The following VGLL4 variants were observed in gnomAD, a reference collection of about 807,000 sequenced individuals.
VGLL4 encodes transcription cofactor vestigial-like protein 4.
A neutral mutation model predicts 21.0 loss-of-function variants in VGLL4; 7 were observed. That is an observed-to-expected ratio of 0.33 (90% CI 0.19 to 0.63). The LOEUF (loss-of-function observed/expected upper bound fraction) is 0.63, where lower values mean the gene tolerates loss of function less well. Among genes scored for constraint, VGLL4 ranks in the 20% least tolerant of loss-of-function variants. The pLI is 0.78. For missense variants in VGLL4, 394 were observed against 425.7 expected (o/e 0.93, Z 0.66); for synonymous variants, 222 against 173.2 (o/e 1.28, Z -2.21).
At chr3:11,656,527 G>A (rs2075961308) in intron 2 of VGLL4, among the ~76,000 whole-genome samples, 1 of 152,180 alleles carries the variant, frequency 6.6e-6, no homozygotes, top group Non-Finnish European at 1.5e-5. Flanking sequence ...AGCCTGCTGT[G>A]GCTAAGCCCT....
intron 2 of VGLL4, among the ~76,000 whole-genome samples, chr3:11,651,109 A>G (rs1045313064): frequency 3.9e-5 from 6 of 152,120 alleles, no homozygotes; most frequent in African/African-American, 1.4e-4. Context: ...GCACTTTGGG[A>G]GGGCGGGTGG....
At chr3:11,601,123 G>C (rs1479883620) in intron 2 of VGLL4, among the ~76,000 whole-genome samples, 1 of 152,228 alleles carries the variant, frequency 6.6e-6, no homozygotes, top group East Asian at 1.9e-4. Flanking sequence ...GGCTTTTCCA[G>C]TGGAAACATG....
At chr3:11,581,187 C>A (rs1266624337) in intron 2 of VGLL4, among the ~76,000 whole-genome samples, 2 of 152,066 alleles carry the variant, frequency 1.3e-5, no homozygotes, top group African/African-American at 2.4e-5. Context: ...CTGCCTCAGC[C>A]TCCCAAGTAG....
chr3:11,617,672 C>G (rs894749913), intron 1 of VGLL4, among the ~76,000 whole-genome samples: 3 of 152,188 alleles, frequency 2.0e-5, no homozygotes, highest in Non-Finnish European at 4.4e-5. Context: ...CAGCTTCTTC[C>G]TAATAACTCT....
intron 2 of VGLL4, among the ~76,000 whole-genome samples, chr3:11,575,110 A>G (rs2073998549): frequency 6.6e-6 from 1 of 152,138 alleles, no homozygotes; most frequent in Non-Finnish European, 1.5e-5. Flanking sequence ...TGAGAGGTGG[A>G]GGGATCTGCC....
At chr3:11,564,497 G>A (rs1054060200) in intron 3 of VGLL4, among the ~76,000 whole-genome samples, 1 of 152,116 alleles carries the variant, frequency 6.6e-6, no homozygotes, top group Non-Finnish European at 1.5e-5. Context: ...CACCACCCCT[G>A]TACTGGGAGA....
At chr3:11,623,029 G>A (rs925159111) in intron 1 of VGLL4, among the ~76,000 whole-genome samples, 1 of 152,290 alleles carries the variant, frequency 6.6e-6, no homozygotes, top group Admixed American at 6.5e-5. Context: ...TCTTGCCAAA[G>A]GTGGATGGCT....
chr3:11,716,256 C>T (rs528632703), intron 1 of VGLL4, among the ~76,000 whole-genome samples: 44 of 148,920 alleles, frequency 3.0e-4, no homozygotes, highest in African/African-American at 1.1e-3. Flanking sequence ...GAGCTGAGAT[C>T]GCGCCACTGC....
chr3:11,583,198 T>C (rs958967441), intron 2 of VGLL4, among the ~76,000 whole-genome samples: 6 of 152,166 alleles, frequency 3.9e-5, no homozygotes, highest in South Asian at 2.1e-4. Flanking sequence ...GTAACACCAA[T>C]TGAAGCACCA....
intron 1 of VGLL4, among the ~76,000 whole-genome samples, chr3:11,713,283 C>A (rs954363032): frequency 6.6e-6 from 1 of 152,110 alleles, no homozygotes; most frequent in Non-Finnish European, 1.5e-5. Flanking sequence ...TCAAAATATT[C>A]TCTCAATAGT....
intron 1 of VGLL4, chr3:11,612,780 A>T (rs2075087865): frequency 6.6e-6 from 1 of 152,310 alleles, no homozygotes; most frequent in Admixed American, 6.5e-5. Flanking sequence ...CATGGCCCTG[A>T]CACATCACCG....
At position 11,565,137 on chromosome 3, in the gene VGLL4, T is replaced by C; in HGVS notation, c.273-118A>G. The C allele has an allele frequency of 9.5e-7, 1 of 1,051,722 alleles. No homozygotes were observed. Among genetic ancestry groups the C allele is most frequent in the Non-Finnish European group, 1.3e-6 (1 of 791,376 alleles). 65.1% of individuals were successfully genotyped at this position (1,051,722 alleles called of 1,614,324 possible). A position where few individuals can be genotyped will look rare whatever the true frequency, so the allele number is the denominator to read the frequency against. On this transcript the variant is annotated intron_variant, in intron 2 of 4. Coordinates refer to ENST00000430365, the MANE Select transcript of VGLL4 (RefSeq NM_001128219.3). The surrounding 1 kb of genome is among the most constrained non-coding windows in gnomAD (Gnocchi z 4.1). ...TTTTTACCCTGAAGCTCAGGTCGTGTGGCTGGGCAGCACGATGAGGAGCCG... is the reference window on the plus strand; with the variant it reads ...TTTTTACCCTGAAGCTCAGGTCGTGCGGCTGGGCAGCACGATGAGGAGCCG...
Position 11,559,342 on chromosome 3 carries a change from C to T in VGLL4, c.609G>A (p.Arg203=), listed in dbSNP as rs1377172672. The T allele has an allele frequency of 1.9e-6, 3 of 1,544,966 alleles. No homozygotes were observed. The highest frequency in any genetic ancestry group is 1.2e-5 in the South Asian group (1 of 83,292). Residue 203 remains arginine (R), a synonymous_variant, in exon 4 of 5, where the codon AGG becomes AGA. Coordinates refer to ENST00000430365, the MANE Select transcript of VGLL4 (RefSeq NM_001128219.3). ...GCCCGGGACACTCACCGCTCGGTGG[C>T]CTCCGGTAGCTGGCAGGCCCGGGCG... ...CAAPGPASYR[R]PPSAATTCDP...
At chr3:11,608,585 T>C (rs1283352879) in intron 1 of VGLL4, among the ~76,000 whole-genome samples, 2 of 152,106 alleles carry the variant, frequency 1.3e-5, no homozygotes, top group Non-Finnish European at 2.9e-5. Flanking sequence ...TTTGACAAAA[T>C]ATCACAAGAA....
At chr3:11,626,478 A>AC (rs1235377625) in intron 1 of VGLL4, 13 of 452,904 alleles carry the variant, frequency 2.9e-5, no homozygotes, top group Non-Finnish European at 4.4e-5. Flanking sequence ...TTTTCTCATG[A>AC]CACAAAAGAT....
intron 2 of VGLL4, among the ~76,000 whole-genome samples, chr3:11,575,018 A>G (rs950630734): frequency 1.4e-4 from 22 of 152,178 alleles, no homozygotes; most frequent in African/African-American, 4.6e-4. Context: ...AGATCTTTTC[A>G]TTACTCCTGC....
At chr3:11,651,140 C>T (rs963674353) in intron 2 of VGLL4, among the ~76,000 whole-genome samples, 2 of 151,932 alleles carry the variant, frequency 1.3e-5, no homozygotes, top group African/African-American at 2.4e-5. Flanking sequence ...GTCAGGAGTT[C>T]GGGACCAGCC....
intron 2 of VGLL4, among the ~76,000 whole-genome samples, chr3:11,601,591 TTTAACATGC>T (rs1217054056): frequency 2.0e-5 from 3 of 152,170 alleles, no homozygotes; most frequent in Non-Finnish European, 4.4e-5. Flanking sequence ...TTCTATGGAG[TTTAACATGC>T]GGAAGGTCCT....
chr3:11,626,524 A>G lies in VGLL4; in HGVS notation c.82+16913T>C, dbSNP rs2075354951. 4 of 430,090 alleles carry G rather than the reference A, an allele frequency of 9.3e-6. No individual in the cohort carries two copies. The Admixed American group carries it at 1.0e-4, about 11-fold the overall frequency. The allele number at this position is 430,090 out of a possible 1,614,324, so 26.6% of individuals were successfully genotyped here. The stretch of plus-strand genomic sequence containing the variant: ...TGGAGATTTCATTACCTTGAAAGGC[A>G]GTAATATTTGAAGGTACCATGACTA... On this transcript the variant is annotated intron_variant, in intron 1 of 4. Coordinates refer to ENST00000430365, the MANE Select transcript of VGLL4 (RefSeq NM_001128219.3).
Sources: allele counts gnomAD v4.1 joint callset (sites outside exome capture counted in the v4.1 genomes callset), GRCh38; gene constraint gnomAD v4.1.1; non-coding constraint Gnocchi (gnomAD v3.1); transcripts MANE v1.5; gene names NCBI Gene and HGNC (gene_info 2026-07-23, HGNC 2026-07-21).